The following TMCC1 variants were observed in gnomAD, a reference collection of about 807,000 sequenced individuals.
TMCC1 encodes transmembrane and coiled-coil domains protein 1.
Under a neutral mutation model 52.4 loss-of-function variants are expected in TMCC1, and 15 were observed. The ratio of observed to expected loss-of-function variants is 0.29; its 90% confidence interval spans 0.19 to 0.44. The LOEUF (loss-of-function observed/expected upper bound fraction) is 0.44. Ranked by LOEUF, TMCC1 falls within the 20% of genes least tolerant of loss-of-function variation. The probability of loss-of-function intolerance (pLI) is 1.00; values close to 1 mark genes in which losing one functional copy is unlikely to be tolerated. For synonymous variants in TMCC1, 279 were observed against 301.9 expected (o/e 0.92, Z 0.79); for missense variants, 503 against 806.0 (o/e 0.62, Z 4.55).
intron 2 of TMCC1, among the ~76,000 whole-genome samples, chr3:129,836,229 G>A (rs549408339): frequency 2.0e-5 from 3 of 152,248 alleles, no homozygotes; most frequent in African/African-American, 7.2e-5. Context: ...GAATTATAAA[G>A]AGAAGTGGGA....
intron 4 of TMCC1, among the ~76,000 whole-genome samples, chr3:129,778,697 GC>G (rs1454743494): frequency 1.3e-5 from 2 of 148,776 alleles, no homozygotes; most frequent in East Asian, 4.0e-4. Context: ...GTCTCCCCAT[GC>G]TGTTCTCATG....
At chr3:129,713,921 C>A (rs1043952970) in intron 4 of TMCC1, among the ~76,000 whole-genome samples, 1 of 152,012 alleles carries the variant, frequency 6.6e-6, no homozygotes, top group African/African-American at 2.4e-5. Flanking sequence ...TTCCTAATAG[C>A]TCTTGTGTGA....
chr3:129,666,275 T>C (rs1023120012), intron 5 of TMCC1, among the ~76,000 whole-genome samples: 1 of 152,134 alleles, frequency 6.6e-6, no homozygotes, highest in African/African-American at 2.4e-5. Flanking sequence ...CCTAGGGCCA[T>C]TTACTGTAGA....
chr3:129,723,129 T>C (rs1015708240), intron 4 of TMCC1, among the ~76,000 whole-genome samples: 1 of 152,158 alleles, frequency 6.6e-6, no homozygotes, highest in Non-Finnish European at 1.5e-5. Context: ...AAAATCAAAC[T>C]ATAGGCTAAG....
At chr3:129,736,560 T>G (rs1359792966) in intron 4 of TMCC1, among the ~76,000 whole-genome samples, 1 of 151,098 alleles carries the variant, frequency 6.6e-6, no homozygotes, top group African/African-American at 2.4e-5. Flanking sequence ...CTAGCTCTGC[T>G]GCCCAGGCTG....
intron 4 of TMCC1, among the ~76,000 whole-genome samples, chr3:129,702,765 T>C (rs917728063): frequency 6.6e-6 from 1 of 152,206 alleles, no homozygotes; most frequent in Admixed American, 6.5e-5. Flanking sequence ...TTCAAGTCCA[T>C]GTAAAAACAA....
intron 2 of TMCC1, among the ~76,000 whole-genome samples, chr3:129,875,695 A>AT (rs968974214): frequency 4.0e-5 from 6 of 151,610 alleles, no homozygotes; most frequent in Non-Finnish European, 7.4e-5. Context: ...AGCAATACAT[A>AT]TTTTTTTTAA....
intron 6 of TMCC1, 41 bp downstream of exon 6, chr3:129,654,927 C>G: frequency 6.3e-7 from 1 of 1,591,812 alleles, no homozygotes; most frequent in South Asian, 1.1e-5. Flanking sequence ...TCTTTCTAAC[C>G]CTACTGTATT....
intron 4 of TMCC1, among the ~76,000 whole-genome samples, chr3:129,681,672 C>T (rs1486677316): frequency 1.3e-5 from 2 of 151,934 alleles, no homozygotes; most frequent in African/African-American, 4.8e-5. Context: ...CTTTGGGAGG[C>T]CGAGACAAGC....
intron 2 of TMCC1, among the ~76,000 whole-genome samples, chr3:129,859,499 T>C (rs2060286341): frequency 6.6e-6 from 1 of 151,986 alleles, no homozygotes; most frequent in African/African-American, 2.4e-5. Flanking sequence ...TAGGTGGGCA[T>C]GGTGGCATGA....
In TMCC1 at chr3:129,651,300, T is replaced by A. The variant is rs1465256993; in HGVS notation, c.*181A>T. 1 of 710,220 alleles carries A rather than the reference T, an allele frequency of 1.4e-6. No individual in the cohort carries two copies. The highest frequency in any genetic ancestry group is 2.2e-6 in the Non-Finnish European group (1 of 457,326). The allele number at this position is 710,220 out of a possible 1,614,324, so 44.0% of individuals were successfully genotyped here. A position where few individuals can be genotyped will look rare whatever the true frequency, so the allele number is the denominator to read the frequency against. ...ATTTTCGCCCAAAAAACTTCTTGGATAAAATCTAAAAAATACTATTGCAAT... is the reference window on the plus strand; with the variant it reads ...ATTTTCGCCCAAAAAACTTCTTGGAAAAAATCTAAAAAATACTATTGCAAT... On this transcript the variant is annotated 3_prime_UTR_variant, in exon 7 of 7. Coordinates refer to ENST00000393238, the MANE Select transcript of TMCC1 (RefSeq NM_001017395.5). The surrounding 1 kb of genome is among the most constrained non-coding windows in gnomAD (Gnocchi z 5.1).
chr3:129,652,481 T>C (rs1175697388), intron 6 of TMCC1, among the ~76,000 whole-genome samples: 1 of 152,046 alleles, frequency 6.6e-6, no homozygotes, highest in African/African-American at 2.4e-5. Context: ...AATGTGAAAA[T>C]AGAGATCATA....
At chr3:129,742,990 T>C (rs909166801) in intron 4 of TMCC1, among the ~76,000 whole-genome samples, 3 of 152,106 alleles carry the variant, frequency 2.0e-5, no homozygotes, top group Admixed American at 6.5e-5. Flanking sequence ...GGCAAATCTA[T>C]AGGGATAGAA....
At chr3:129,711,031 T>G (rs1384342371) in intron 4 of TMCC1, among the ~76,000 whole-genome samples, 1 of 152,058 alleles carries the variant, frequency 6.6e-6, no homozygotes, top group Non-Finnish European at 1.5e-5. Flanking sequence ...GCCCGGCTAA[T>G]TTTTGTATTT....
intron 4 of TMCC1, among the ~76,000 whole-genome samples, chr3:129,686,638 TAG>T (rs995131803): frequency 1.3e-5 from 2 of 151,948 alleles, no homozygotes; most frequent in Admixed American, 1.3e-4. Flanking sequence ...GGAAAAGTGG[TAG>T]AGAGAGAAAA....
chr3:129,830,424 G>A (rs1390525593), intron 3 of TMCC1, among the ~76,000 whole-genome samples: 1 of 152,118 alleles, frequency 6.6e-6, no homozygotes, highest in African/African-American at 2.4e-5. Flanking sequence ...TTCCTCATGA[G>A]TTTGTCTTGC....
At chr3:129,784,780 A>G (rs989420620) in intron 4 of TMCC1, among the ~76,000 whole-genome samples, 10 of 152,054 alleles carry the variant, frequency 6.6e-5, no homozygotes, top group Admixed American at 3.9e-4. Flanking sequence ...CCTGGGCAAC[A>G]TAGTGAGATC....
In TMCC1 at chr3:129,647,848, T is replaced by C. The variant is rs2086111871; in HGVS notation, c.*3633A>G. On this transcript the variant is annotated 3_prime_UTR_variant, in exon 7 of 7. Coordinates refer to ENST00000393238, the MANE Select transcript of TMCC1 (RefSeq NM_001017395.5). ...TATACAGTAAAAGTGCTGCTGAGAA[T>C]CTGCAGCGACCAGACAGAACATAAA... 1 of 152,656 alleles carries C rather than the reference T, an allele frequency of 6.6e-6. No individual in the cohort carries two copies. Among genetic ancestry groups the C allele is most frequent in the Non-Finnish European group, 1.5e-5 (1 of 68,032 alleles). 9.5% of individuals were successfully genotyped at this position (152,656 alleles called of 1,614,324 possible).
intron 2 of TMCC1, chr3:129,868,854 G>A (rs2060782595): frequency 6.6e-6 from 1 of 152,094 alleles, no homozygotes; most frequent in Non-Finnish European, 1.5e-5. Flanking sequence ...AATGACCTAA[G>A]GAATTCAATA....
Sources: gnomAD v4.1 joint callset for allele counts (sites outside exome capture counted in the v4.1 genomes callset) on GRCh38, gnomAD v4.1.1 for gene constraint, Gnocchi (gnomAD v3.1) non-coding constraint, MANE v1.5 for transcripts, NCBI Gene and HGNC (gene_info 2026-07-23, HGNC 2026-07-21) for gene names.